Variants in DGKB observed in about 807,000 individuals in gnomAD.
The protein encoded by DGKB is diacylglycerol kinase beta, also known as 90 kDa diacylglycerol kinase.
DGKB carries 67 observed loss-of-function variants against 114.3 expected under a neutral mutation model. The ratio of observed to expected loss-of-function variants is 0.59; its 90% CI spans 0.48 to 0.72. The LOEUF is 0.72. Ranked by LOEUF, DGKB falls within the 30% of genes least tolerant of loss-of-function variation. DGKB has a pLI of 0.00. For synonymous variants in DGKB, 398 were observed against 323.1 expected, an observed-to-expected ratio of 1.23 and a Z score of -2.49; for missense variants, 907 against 975.2, an observed-to-expected ratio of 0.93 and a Z score of 0.93.
intron 8 of DGKB, among the ~76,000 whole-genome samples, chr7:14,696,264 C>T (rs1423686618): frequency 6.6e-6 from 1 of 151,822 alleles, no homozygotes; most frequent in African/African-American, 2.4e-5. Flanking sequence ...GAGGCCGAGG[C>T]GGGTGGATCA....
At chr7:14,921,737 A>C (rs1784517296) in intron 1 of DGKB, among the ~76,000 whole-genome samples, 1 of 152,192 alleles carries the variant, frequency 6.6e-6, no homozygotes, top group African/African-American at 2.4e-5. Flanking sequence ...TTGTGGGCCC[A>C]AGAGTGGAAG....
intron 21 of DGKB, among the ~76,000 whole-genome samples, chr7:14,416,535 T>C (rs1462350104): frequency 6.6e-6 from 1 of 152,042 alleles, no homozygotes; most frequent in Non-Finnish European, 1.5e-5. Flanking sequence ...AATTCCCACG[T>C]GGTGTGGGAG....
intron 1 of DGKB, among the ~76,000 whole-genome samples, chr7:14,955,550 G>C (rs972717341): frequency 2.0e-5 from 3 of 151,958 alleles, no homozygotes; most frequent in African/African-American, 4.8e-5. Flanking sequence ...AGTCATCTCA[G>C]AGAGAAATAA....
Position 14,806,817 on chromosome 7 carries a change from T to A in DGKB, c.70+34377A>T, listed in dbSNP as rs575271728. Among the ~76,000 whole-genome samples, 5 of 151,848 alleles carry A rather than the reference T, an allele frequency of 3.3e-5. No homozygotes were observed. In the South Asian group the frequency reaches 1.0e-3, roughly 31 times the overall value. On this transcript the variant is annotated intron_variant, in intron 2 of 25. Transcript: ENST00000402815. ...TTCTCAGATCATTTTGCTCCAGAAGTCTCCTTTATTACAGGGCAACAGGGA... is the reference window on the plus strand; with the variant it reads ...TTCTCAGATCATTTTGCTCCAGAAGACTCCTTTATTACAGGGCAACAGGGA...
intron 2 of DGKB, among the ~76,000 whole-genome samples, chr7:14,832,218 A>G (rs1846518198): frequency 6.6e-6 from 1 of 152,096 alleles, no homozygotes; most frequent in Non-Finnish European, 1.5e-5. Context: ...CTAACAAGTT[A>G]AGGAAATAAA....
At chr7:14,481,213 A>T (rs566822351) in intron 20 of DGKB, among the ~76,000 whole-genome samples, 1 of 151,996 alleles carries the variant, frequency 6.6e-6, no homozygotes, top group Non-Finnish European at 1.5e-5. Context: ...CTTGATCACT[A>T]GTATTTTTCT....
At chr7:14,665,353 G>A (rs1244816660) in intron 13 of DGKB, among the ~76,000 whole-genome samples, 1 of 151,750 alleles carries the variant, frequency 6.6e-6, no homozygotes, top group Non-Finnish European at 1.5e-5. Flanking sequence ...ACAGATAGAG[G>A]GCAACAACGA....
chr7:14,922,226 G>A (rs1306308084), intron 1 of DGKB, among the ~76,000 whole-genome samples: 1 of 151,974 alleles, frequency 6.6e-6, no homozygotes, highest in Non-Finnish European at 1.5e-5. Context: ...CTAAACCAGA[G>A]CAACGACATT....
At chr7:14,223,564 A>G (rs1265641823) in intron 23 of DGKB, among the ~76,000 whole-genome samples, 1 of 151,816 alleles carries the variant, frequency 6.6e-6, no homozygotes, top group Non-Finnish European at 1.5e-5. Flanking sequence ...TATTTATACT[A>G]TCTTTTATAA....
intron 23 of DGKB, 44 bp downstream of exon 23, chr7:14,338,471 A>G (rs770700104): frequency 7.8e-7 from 1 of 1,278,714 alleles, no homozygotes; most frequent in Non-Finnish European, 1.1e-6. Flanking sequence ...GCCTTTGAAA[A>G]CAGGTTAACA....
chr7:14,443,154 A>C (rs1830295316), intron 21 of DGKB, among the ~76,000 whole-genome samples: 1 of 151,994 alleles, frequency 6.6e-6, no homozygotes, highest in African/African-American at 2.4e-5. Context: ...TTTTACAAAT[A>C]TTTTCTTATT....
intron 22 of DGKB, among the ~76,000 whole-genome samples, chr7:14,339,208 T>TAAAAA (rs35265569): frequency 4.2e-5 from 6 of 142,104 alleles, no homozygotes; most frequent in African/African-American, 1.6e-4. Context: ...AGACTTTTGC[T>TAAAAA]AAAAAAAAAA....
intron 21 of DGKB, among the ~76,000 whole-genome samples, chr7:14,371,730 G>C (rs1583468579): frequency 6.6e-6 from 1 of 152,094 alleles, no homozygotes. Flanking sequence ...TTTGAGGACT[G>C]AGTCATAAAT....
chr7:14,781,839 C>T (rs970488201), intron 2 of DGKB, among the ~76,000 whole-genome samples: 1 of 152,048 alleles, frequency 6.6e-6, no homozygotes, highest in African/African-American at 2.4e-5. Context: ...TTGAATAATG[C>T]AGTTTTTGTG....
chr7:14,380,868 A>G (rs1274716890), intron 21 of DGKB, among the ~76,000 whole-genome samples: 1 of 152,224 alleles, frequency 6.6e-6, no homozygotes, highest in East Asian at 1.9e-4. Flanking sequence ...CCAACACCCA[A>G]TCCCTGAAAT....
chr7:14,305,812 AC>A (rs1446801926), intron 23 of DGKB, among the ~76,000 whole-genome samples: 5 of 152,162 alleles, frequency 3.3e-5, no homozygotes, highest in Non-Finnish European at 7.4e-5. Flanking sequence ...GTTCATATTA[AC>A]ATCATAGCTT....
intron 23 of DGKB, among the ~76,000 whole-genome samples, chr7:14,326,444 C>T (rs778750203): frequency 3.3e-5 from 5 of 152,074 alleles, no homozygotes; most frequent in Non-Finnish European, 5.9e-5. Flanking sequence ...TCAGGTGGAG[C>T]GGTGCTACAA....
At chr7:14,184,840 G>C (rs1161171909) in intron 23 of DGKB, among the ~76,000 whole-genome samples, 1 of 152,110 alleles carries the variant, frequency 6.6e-6, no homozygotes, top group African/African-American at 2.4e-5. Context: ...TATGATTAAA[G>C]CTCTCAGCAA....
At chr7:14,514,854 G>A (rs143966334) in intron 20 of DGKB, among the ~76,000 whole-genome samples, 1 of 151,948 alleles carries the variant, frequency 6.6e-6, no homozygotes, top group Admixed American at 6.6e-5. Context: ...AGGAGTTTAA[G>A]ATCAGCCTGA....
Sources: allele counts gnomAD v4.1 joint callset (sites outside exome capture counted in the v4.1 genomes callset), GRCh38; gene constraint gnomAD v4.1.1; transcripts MANE v1.5; gene names NCBI Gene and HGNC (gene_info 2026-07-23, HGNC 2026-07-21).